Variants in HCRTR2 observed in about 807,000 individuals in gnomAD.
HCRTR2 encodes the protein hypocretin receptor 2, also known as orexin receptor type 2.
A neutral mutation model predicts 49.0 loss-of-function variants in HCRTR2; 22 were observed. The ratio of observed to expected loss-of-function variants is 0.45; its 90% CI spans 0.32 to 0.64. The LOEUF (loss-of-function observed/expected upper bound fraction) is 0.64, where lower values mean the gene tolerates loss of function less well. Ranked by LOEUF, HCRTR2 falls within the 30% of genes least tolerant of loss-of-function variation. The pLI, the probability that HCRTR2 is intolerant of heterozygous loss-of-function variation, is 0.04. For missense variants in HCRTR2, 491 were observed against 559.4 expected (o/e 0.88, Z 1.23); for synonymous variants, 236 against 205.3 (o/e 1.15, Z -1.28).
At chr6:55,236,421 T>C (rs1369407430) in intron 1 of HCRTR2, among the ~76,000 whole-genome samples, 2 of 152,102 alleles carry the variant, frequency 1.3e-5, no homozygotes, top group African/African-American at 4.8e-5. Flanking sequence ...TTAAGATTAG[T>C]AGTTTATCTG....
intron 1 of HCRTR2, among the ~76,000 whole-genome samples, chr6:55,140,135 T>G (rs1489116779): frequency 2.7e-5 from 4 of 146,452 alleles, no homozygotes; most frequent in Non-Finnish European, 6.2e-5. Flanking sequence ...TATGGTGCTT[T>G]GATTTTTGTA....
At chr6:55,258,679 T>G (rs1003322007) in intron 3 of HCRTR2, among the ~76,000 whole-genome samples, 1 of 152,190 alleles carries the variant, frequency 6.6e-6, no homozygotes, top group African/African-American at 2.4e-5. Flanking sequence ...CATTTCATAC[T>G]TCTAAAATTA....
At chr6:55,195,733 A>C (rs1351430983) in intron 1 of HCRTR2, among the ~76,000 whole-genome samples, 5 of 152,128 alleles carry the variant, frequency 3.3e-5, no homozygotes, top group Non-Finnish European at 7.4e-5. Context: ...GCACTTTGGG[A>C]GGTCGAGGTG....
At chr6:55,109,298 A>G (rs1220823830) in intron 1 of HCRTR2, among the ~76,000 whole-genome samples, 1 of 152,158 alleles carries the variant, frequency 6.6e-6, no homozygotes, top group Non-Finnish European at 1.5e-5. Context: ...TTCCTGTGCT[A>G]TGACAAAACA....
chr6:55,161,502 G>C (rs530795638), intron 1 of HCRTR2, among the ~76,000 whole-genome samples: 1 of 151,738 alleles, frequency 6.6e-6, no homozygotes, highest in Non-Finnish European at 1.5e-5. Flanking sequence ...ACTAAGGAGA[G>C]AGAGACACGA....
chr6:55,267,926 A>C (rs991244524), intron 4 of HCRTR2, among the ~76,000 whole-genome samples: 2 of 152,230 alleles, frequency 1.3e-5, no homozygotes, highest in Non-Finnish European at 2.9e-5. Flanking sequence ...AGGTAACTAC[A>C]TAGGTAAATA....
chr6:55,282,269 C>G lies in HCRTR2; in HGVS notation c.1150C>G (p.Leu384Val). The change falls in exon 7 of 7, where the codon CTT becomes GTT. Residue 384 changes from leucine (L) to valine (V), a missense_variant. Coordinates refer to ENST00000370862, the MANE Select transcript of HCRTR2 (RefSeq NM_001384272.1). ...EFKAAFSCCC[L>V]GVHHRQEDRL... ...TAAAGCTGCGTTTTCTTGCTGTTGC[C>G]TTGGAGTTCACCATCGCCAGGAGGA... 1.2e-6 allele frequency: 2 copies of G among 1,613,854 alleles called. No homozygotes were observed. Among genetic ancestry groups the G allele is most frequent in the Non-Finnish European group, 1.7e-6 (2 of 1,179,924 alleles).
At chr6:55,120,552 CTGTT>C (rs1764182724) in intron 1 of HCRTR2, among the ~76,000 whole-genome samples, 1 of 150,358 alleles carries the variant, frequency 6.7e-6, no homozygotes, top group Non-Finnish European at 1.5e-5. Context: ...ATTTGGCTCA[CTGTT>C]TGTTATTGTT....
At chr6:55,201,628 A>G (rs1349025179) in intron 1 of HCRTR2, among the ~76,000 whole-genome samples, 1 of 152,192 alleles carries the variant, frequency 6.6e-6, no homozygotes, top group Non-Finnish European at 1.5e-5. Flanking sequence ...ACATTGATTT[A>G]CTAGTGGTGG....
intron 1 of HCRTR2, among the ~76,000 whole-genome samples, chr6:55,159,045 A>AT (rs1166757972): frequency 6.6e-6 from 1 of 152,176 alleles, no homozygotes; most frequent in Non-Finnish European, 1.5e-5. Context: ...CAGACACCTC[A>AT]TACAGGAGAG....
intron 1 of HCRTR2, among the ~76,000 whole-genome samples, chr6:55,125,136 T>C (rs1441865159): frequency 6.6e-6 from 1 of 152,192 alleles, no homozygotes; most frequent in African/African-American, 2.4e-5. Context: ...TTGTTATGTG[T>C]GAATTTGATA....
At chr6:55,179,903 A>T (rs1765102606) in intron 1 of HCRTR2, among the ~76,000 whole-genome samples, 1 of 152,178 alleles carries the variant, frequency 6.6e-6, no homozygotes, top group Non-Finnish European at 1.5e-5. Context: ...TGCTGATGTT[A>T]TTTAACTAGT....
intron 1 of HCRTR2, among the ~76,000 whole-genome samples, chr6:55,179,305 A>T (rs1765092425): frequency 6.6e-6 from 1 of 152,180 alleles, no homozygotes; most frequent in Admixed American, 6.5e-5. Flanking sequence ...TACATCACTC[A>T]TCTCGGCCAA....
chr6:55,129,336 C>T (rs1160956055), intron 1 of HCRTR2, among the ~76,000 whole-genome samples: 2 of 152,038 alleles, frequency 1.3e-5, no homozygotes, highest in African/African-American at 2.4e-5. Context: ...GTGCCAACTT[C>T]CTTAATGTAT....
chr6:55,181,193 A>G (rs1765128160), intron 1 of HCRTR2, among the ~76,000 whole-genome samples: 1 of 152,138 alleles, frequency 6.6e-6, no homozygotes, highest in South Asian at 2.1e-4. Flanking sequence ...CTATTACATC[A>G]GACATGAAAT....
intron 2 of HCRTR2, 80 bp from the exon 3 acceptor site, chr6:55,255,056 T>C (rs1766623189): frequency 6.7e-7 from 1 of 1,503,740 alleles, no homozygotes; most frequent in African/African-American, 1.4e-5. Context: ...GTGACTACCT[T>C]TCTCATATAG....
chr6:55,173,380 G>A (rs1764979580), upstream of HCRTR2, among the ~76,000 whole-genome samples: 1 of 152,168 alleles, frequency 6.6e-6, no homozygotes, highest in Admixed American at 6.5e-5. Context: ...TGAAGCTGAA[G>A]TTCAGACAAG....
chr6:55,118,429 C>A (rs2127236588), intron 1 of HCRTR2, among the ~76,000 whole-genome samples: 1 of 151,944 alleles, frequency 6.6e-6, no homozygotes, highest in African/African-American at 2.4e-5. Context: ...AATGAGATTG[C>A]TGGGTTGAAT....
chr6:55,237,342 G>A (rs1360814480), intron 1 of HCRTR2, among the ~76,000 whole-genome samples: 5 of 152,094 alleles, frequency 3.3e-5, no homozygotes, highest in East Asian at 3.8e-4. Context: ...CCACTATCCC[G>A]TCAGTCACTG....
Sources: allele counts gnomAD v4.1 joint callset (sites outside exome capture counted in the v4.1 genomes callset), GRCh38; gene constraint gnomAD v4.1.1; transcripts MANE v1.5; gene names NCBI Gene and HGNC (gene_info 2026-07-23, HGNC 2026-07-21).